The following FREM1 variants were observed in gnomAD, a reference collection of about 807,000 sequenced individuals.
FREM1 encodes the protein FRAS1 related extracellular matrix 1, also known as FRAS1-related extracellular matrix protein 1.
FREM1 carries 220 observed loss-of-function variants against 210.1 expected under a neutral mutation model. That is an observed-to-expected ratio of 1.05 (90% CI 0.94 to 1.17). The LOEUF is 1.17. Among genes scored for constraint, FREM1 ranks in the 50% most tolerant of loss-of-function variants. The pLI is 0.00. For synonymous variants in FREM1, 1,189 were observed against 980.2 expected (o/e 1.21, Z -3.98); for missense variants, 3,454 against 2,675.5 (o/e 1.29, Z -6.42).
rs538058920 is a variant in FREM1 at position 14,835,923 on chromosome 9, C to T, written c.1881+5524G>A. ...TTCAGCTTTTTGCCTACGTTTTAGA[C>T]GAACCCTGCTTATTCCTGTGAATCA... is the stretch of plus-strand genomic sequence containing the variant. On this transcript the variant is annotated intron_variant, in intron 10 of 36. Transcript: ENST00000380880. 1.7e-4 allele frequency among the ~76,000 whole-genome samples: 26 copies of T among 152,266 alleles called. No individual in the cohort carries two copies. In the East Asian group the frequency reaches 1.9e-3, roughly 11 times the overall value.
At chr9:14,863,349 A>T (rs1049494015) in intron 3 of FREM1, among the ~76,000 whole-genome samples, 5 of 151,956 alleles carry the variant, frequency 3.3e-5, no homozygotes, top group Non-Finnish European at 5.9e-5. Flanking sequence ...TCAAAAAAAA[A>T]AAAAAAAAGG....
intron 29 of FREM1, among the ~76,000 whole-genome samples, chr9:14,752,212 A>G (rs915780316): frequency 1.4e-4 from 21 of 152,192 alleles, no homozygotes; most frequent in Middle Eastern, 6.8e-3. Context: ...ATAATTATTG[A>G]AAGCTATGTA....
intron 25 of FREM1, among the ~76,000 whole-genome samples, chr9:14,774,906 A>G (rs1369420966): frequency 6.6e-6 from 1 of 152,214 alleles, no homozygotes; most frequent in Non-Finnish European, 1.5e-5. Flanking sequence ...TAAAATGTAA[A>G]TAACAAAACT....
At chr9:14,826,204 G>A (rs2130867437) in intron 10 of FREM1, among the ~76,000 whole-genome samples, 1 of 148,050 alleles carries the variant, frequency 6.8e-6, no homozygotes, top group South Asian at 2.1e-4. Flanking sequence ...CCATTCTCCT[G>A]CCTCAGCCTC....
At chr9:14,879,726 A>G (rs2065484) in intron 1 of FREM1, among the ~76,000 whole-genome samples, 41,610 of 152,074 alleles carry the variant, frequency 0.27, 6,526 homozygotes, top group East Asian at 0.72. Flanking sequence ...AAAATGGAGA[A>G]AAGCATGCTT....
At chr9:14,829,429 T>C (rs879370564) in intron 10 of FREM1, among the ~76,000 whole-genome samples, 3 of 152,134 alleles carry the variant, frequency 2.0e-5, no homozygotes, top group South Asian at 2.1e-4. Context: ...ATGAACTGAA[T>C]GTGTCTTCCA....
At chr9:14,744,454 ATTATATTATC>A (rs1842075337) in intron 35 of FREM1, among the ~76,000 whole-genome samples, 1 of 152,090 alleles carries the variant, frequency 6.6e-6, no homozygotes, top group African/African-American at 2.4e-5. Context: ...AACAACATAG[ATTATATTATC>A]TTATTTATAT....
In FREM1 at chr9:14,872,275, C is replaced by T. The variant is rs889085554; in HGVS notation, c.-267-3031G>A. Among the ~76,000 whole-genome samples, 142 of 152,186 alleles carry T rather than the reference C, an allele frequency of 9.3e-4. 1 individual carries two copies. Among genetic ancestry groups the T allele is most frequent in the African/African-American group, 3.3e-3 (135 of 41,532 alleles). ...ACCTTGGGCAGTATGGCCATTTTCA[C>T]GATATTGATTCTTCCTACCCATGAG... On this transcript the variant is annotated intron_variant, in intron 1 of 36. Transcript: ENST00000380880.
At chr9:14,813,171 A>G in intron 15 of FREM1, 107 bp from the exon 16 acceptor site, 3 of 1,208,758 alleles carry the variant, frequency 2.5e-6, no homozygotes, top group Non-Finnish European at 3.4e-6. Context: ...TTCATCTTAC[A>G]GACACATGAA....
chr9:14,814,342 T>C (rs1297305772), intron 15 of FREM1, among the ~76,000 whole-genome samples: 1 of 152,218 alleles, frequency 6.6e-6, no homozygotes, highest in Non-Finnish European at 1.5e-5. Flanking sequence ...GTTTGTCTTG[T>C]TCATCATCAT....
chr9:14,840,997 T>A (rs12005931), intron 10 of FREM1, among the ~76,000 whole-genome samples: 3,229 of 152,312 alleles, frequency 0.021, 124 homozygotes, highest in African/African-American at 0.074. Context: ...ATGCATTATC[T>A]CACCTTCACA....
chr9:14,846,711 T>C (rs1160069250), intron 7 of FREM1, among the ~76,000 whole-genome samples: 1 of 152,180 alleles, frequency 6.6e-6, no homozygotes. Context: ...TTAACTCCAA[T>C]ATTACAACAG....
At chr9:14,820,298 T>C (rs908103765) in intron 13 of FREM1, among the ~76,000 whole-genome samples, 5 of 152,164 alleles carry the variant, frequency 3.3e-5, no homozygotes, top group Admixed American at 2.6e-4. Context: ...ACGCTTGTAT[T>C]GCTACGCAGA....
At chr9:14,826,583 G>A (rs1350745291) in intron 10 of FREM1, among the ~76,000 whole-genome samples, 1 of 152,142 alleles carries the variant, frequency 6.6e-6, no homozygotes. Context: ...AATTGTTCCT[G>A]AATTTTACTT....
At chr9:14,886,379 C>T (rs62537696) in intron 1 of FREM1, among the ~76,000 whole-genome samples, 10,453 of 79,578 alleles carry the variant, frequency 0.13, 579 homozygotes, top group South Asian at 0.34. Flanking sequence ...AGTGAGACTC[C>T]GACTCAAAAA....
intron 1 of FREM1, among the ~76,000 whole-genome samples, chr9:14,880,785 CT>C (rs1834662288): frequency 2.6e-5 from 4 of 152,038 alleles, no homozygotes; most frequent in South Asian, 2.1e-4. Context: ...AACATACTAA[CT>C]CATTAAAGAT....
chr9:14,806,905 T>C, intron 17 of FREM1, 59 bp from the exon 18 acceptor site: 1 of 1,036,516 alleles, frequency 9.6e-7, no homozygotes, highest in Middle Eastern at 2.1e-4. Context: ...ACAGACTGGG[T>C]AGGACAAAAT....
At chr9:14,758,156 C>A (rs1046546625) in intron 28 of FREM1, among the ~76,000 whole-genome samples, 4 of 152,176 alleles carry the variant, frequency 2.6e-5, no homozygotes, top group Admixed American at 1.3e-4. Context: ...AGCAGCCAAG[C>A]TCTAGTGTAA....
chr9:14,773,209 G>T (rs1587864745), intron 25 of FREM1, among the ~76,000 whole-genome samples: 1 of 152,300 alleles, frequency 6.6e-6, no homozygotes, highest in East Asian at 1.9e-4. Context: ...CCCTTTAAAG[G>T]AGAAGTACAG....
Sources: allele counts gnomAD v4.1 joint callset (sites outside exome capture counted in the v4.1 genomes callset), GRCh38; gene constraint gnomAD v4.1.1; transcripts MANE v1.5; gene names NCBI Gene and HGNC (gene_info 2026-07-23, HGNC 2026-07-21).